Variants in ZNF516 observed in about 807,000 individuals in gnomAD.
ZNF516 encodes zinc finger protein 516.
Under a neutral mutation model 79.7 loss-of-function variants are expected in ZNF516, and 19 were observed. The ratio of observed to expected loss-of-function variants is 0.24; its 90% CI spans 0.17 to 0.35. The LOEUF is 0.35. Among genes scored for constraint, ZNF516 ranks in the 10% least tolerant of loss-of-function variants. The probability of loss-of-function intolerance (pLI) is 1.00; values close to 1 mark genes in which losing one functional copy is unlikely to be tolerated. For synonymous variants in ZNF516, 877 were observed against 739.5 expected, an observed-to-expected ratio of 1.19 and a Z score of -3.02; for missense variants, 1,678 against 1,679.5, an observed-to-expected ratio of 1.00 and a Z score of 0.02.
rs533729483 is a variant in ZNF516, at chr18:76,399,081, A to C, written c.1811-18778T>G. ...CCTGGCAGCCCGCGCAATGCATGGAAGCTACCACTAGATGGCACCTGCGCC... is the reference window on the plus strand; with the variant it reads ...CCTGGCAGCCCGCGCAATGCATGGACGCTACCACTAGATGGCACCTGCGCC... On this transcript the variant is annotated intron_variant, in intron 3 of 6. Coordinates refer to ENST00000443185, the MANE Select transcript of ZNF516 (RefSeq NM_014643.4). Among the ~76,000 whole-genome samples, 220 of 152,256 alleles carry C rather than the reference A, an allele frequency of 1.4e-3. No homozygotes were observed. In the Middle Eastern group the frequency reaches 0.02, roughly 14 times the overall value.
At chr18:76,486,701 A>C (rs1007016350) in intron 1 of ZNF516, among the ~76,000 whole-genome samples, 1 of 150,834 alleles carries the variant, frequency 6.6e-6, no homozygotes, top group Non-Finnish European at 1.5e-5. Flanking sequence ...AAAAAAAAAA[A>C]CACCAGATTC....
Position 76,371,344 on chromosome 18 carries a change from C to A in ZNF516, c.3364+123G>T, listed in dbSNP as rs542408912. ...ACGATCCCGGAGGCAGATGGCAGGC[C>A]CCCCGCCGCCTGGTAGGGGCTGAAA... On this transcript the variant is annotated intron_variant, in intron 5 of 6. Coordinates refer to ENST00000443185, the MANE Select transcript of ZNF516 (RefSeq NM_014643.4). The A allele has an allele frequency of 6.1e-6, 6 of 985,534 alleles. No homozygotes were observed. In the Admixed American group the frequency reaches 7.4e-5, roughly 12 times the overall value. The allele number at this position is 985,534 out of a possible 1,614,324, so 61.0% of individuals were successfully genotyped here. A position where few individuals can be genotyped will look rare whatever the true frequency, so the allele number is the denominator to read the frequency against.
intron 3 of ZNF516, among the ~76,000 whole-genome samples, chr18:76,438,832 T>C (rs978945441): frequency 4.6e-5 from 7 of 152,220 alleles, no homozygotes; most frequent in Non-Finnish European, 1.0e-4. Context: ...AATGGTCGCA[T>C]AGATCTGAAT....
At chr18:76,444,639 G>A (rs1347707516) in intron 2 of ZNF516, among the ~76,000 whole-genome samples, 1 of 152,180 alleles carries the variant, frequency 6.6e-6, no homozygotes, top group Non-Finnish European at 1.5e-5. Context: ...AGGTTTTCAT[G>A]GAAGCAGATG....
intron 3 of ZNF516, among the ~76,000 whole-genome samples, chr18:76,421,208 G>A (rs891631075): frequency 9.9e-5 from 15 of 152,212 alleles, no homozygotes; most frequent in East Asian, 1.9e-4. Context: ...GTCATTCTGC[G>A]TTTAGGCTGG....
rs537958144 is a variant in ZNF516, at chr18:76,432,741, T to C, written c.1810+8504A>G. Among the ~76,000 whole-genome samples, 6 of 152,176 alleles carry C rather than the reference T, an allele frequency of 3.9e-5. No individual in the cohort carries two copies. In the South Asian group the frequency reaches 1.2e-3, roughly 32 times the overall value. On this transcript the variant is annotated intron_variant, in intron 3 of 6. Transcript: ENST00000443185. Reference sequence around the variant, plus strand: ...TCCAGTGGCCTGACCAACCTCTCTCTAGGAAGCCTGCCGTGACAGTCTGGG... The same window carrying C: ...TCCAGTGGCCTGACCAACCTCTCTCCAGGAAGCCTGCCGTGACAGTCTGGG...
At chr18:76,444,476 G>A (rs921980329) in intron 2 of ZNF516, among the ~76,000 whole-genome samples, 5 of 152,174 alleles carry the variant, frequency 3.3e-5, no homozygotes, top group Admixed American at 1.3e-4. Context: ...AAGAACTCCT[G>A]CTTAAACATC....
intron 1 of ZNF516, among the ~76,000 whole-genome samples, chr18:76,469,092 T>C (rs997738212): frequency 1.3e-5 from 2 of 152,224 alleles, no homozygotes; most frequent in South Asian, 2.1e-4. Flanking sequence ...AATGAAGTCA[T>C]GATGTTTCTA....
At chr18:76,440,742 T>TTTTGTG (rs1555711266) in intron 3 of ZNF516, among the ~76,000 whole-genome samples, 3 of 149,942 alleles carry the variant, frequency 2.0e-5, no homozygotes, top group Non-Finnish European at 4.4e-5. Context: ...GTGTGTGTGT[T>TTTTGTG]TGTGTGTGTG....
rs115088126 is a variant in ZNF516, at chr18:76,443,905, T to G, written c.-157-694A>C. Among the ~76,000 whole-genome samples, 381 of 152,310 alleles carry G rather than the reference T, an allele frequency of 2.5e-3. 1 individual carries two copies. The highest frequency in any genetic ancestry group is 8.5e-3 in the African/African-American group (352 of 41,580). On this transcript the variant is annotated intron_variant, in intron 2 of 6. Coordinates refer to ENST00000443185, the MANE Select transcript of ZNF516 (RefSeq NM_014643.4). ...TGAAAACAGTGAGCATCAACCACCC[T>G]GCATGGCCGCCACCTACATGCCCAT...
intron 3 of ZNF516, among the ~76,000 whole-genome samples, chr18:76,390,036 A>C (rs1270467928): frequency 1.3e-5 from 2 of 152,240 alleles, no homozygotes; most frequent in African/African-American, 2.4e-5. Flanking sequence ...AAAACAGAAC[A>C]GAAACACAAA....
At chr18:76,401,295 C>CA in intron 3 of ZNF516, among the ~76,000 whole-genome samples, 1 of 149,658 alleles carries the variant, frequency 6.7e-6, no homozygotes, top group Non-Finnish European at 1.5e-5. Flanking sequence ...TTTCAAGCCC[C>CA]AATTGAACAA....
At chr18:76,485,049 C>G (rs373953309) in intron 1 of ZNF516, among the ~76,000 whole-genome samples, 79 of 152,022 alleles carry the variant, frequency 5.2e-4, no homozygotes, top group Admixed American at 1.2e-3. Flanking sequence ...TTTATTAACA[C>G]TTTTATTTTT....
At chr18:76,480,159 TAAAAAAAAA>T (rs539724418) in intron 1 of ZNF516, among the ~76,000 whole-genome samples, 18 of 109,208 alleles carry the variant, frequency 1.6e-4, no homozygotes, top group South Asian at 3.2e-4. Context: ...AGATTTTGTG[TAAAAAAAAA>T]AAAAAAAAAA....
At chr18:76,423,316 GT>G (rs780879358) in intron 3 of ZNF516, among the ~76,000 whole-genome samples, 1 of 152,218 alleles carries the variant, frequency 6.6e-6, no homozygotes, top group Non-Finnish European at 1.5e-5. Context: ...GCGTGTTCTC[GT>G]TAATAAGTCC....
chr18:76,440,894 C>T (rs1468141010), intron 3 of ZNF516, among the ~76,000 whole-genome samples: 1 of 152,178 alleles, frequency 6.6e-6, no homozygotes, highest in Non-Finnish European at 1.5e-5. Flanking sequence ...TCAGGTGAGA[C>T]CATCAACCCT....
At chr18:76,410,425 T>C (rs78852966) in intron 3 of ZNF516, among the ~76,000 whole-genome samples, 160 of 152,298 alleles carry the variant, frequency 1.1e-3, no homozygotes, top group South Asian at 9.7e-3. Context: ...CTGAGATGGG[T>C]TGATTCTGTC....
At chr18:76,461,110 A>AG (rs1364438752) in intron 2 of ZNF516, among the ~76,000 whole-genome samples, 1 of 152,200 alleles carries the variant, frequency 6.6e-6, no homozygotes, top group Non-Finnish European at 1.5e-5. Context: ...TGAACCCGGG[A>AG]GCCGGAGGTT....
intron 2 of ZNF516, among the ~76,000 whole-genome samples, chr18:76,458,436 C>T (rs3794930): frequency 0.018 from 2,724 of 152,300 alleles, 74 homozygotes; most frequent in African/African-American, 0.059. Flanking sequence ...TTTTCAAATA[C>T]TCTTGCGCTT....
Sources: allele counts gnomAD v4.1 joint callset (sites outside exome capture counted in the v4.1 genomes callset), GRCh38; gene constraint gnomAD v4.1.1; transcripts MANE v1.5; gene names NCBI Gene and HGNC (gene_info 2026-07-23, HGNC 2026-07-21).